Variants in PALS2 observed in about 807,000 individuals in gnomAD.
The protein encoded by PALS2 is protein PALS2.
Under a neutral mutation model 61.6 loss-of-function variants are expected in PALS2, and 27 were observed. That is an observed-to-expected ratio of 0.44 (90% confidence interval 0.32 to 0.60). PALS2 has a LOEUF of 0.60. Ranked by LOEUF, PALS2 falls within the 20% of genes least tolerant of loss-of-function variation. The probability of loss-of-function intolerance (pLI) is 0.05; values close to 1 mark genes in which losing one functional copy is unlikely to be tolerated. For missense variants in PALS2, 554 were observed against 639.4 expected (o/e 0.87, Z 1.44); for synonymous variants, 236 against 218.6 (o/e 1.08, Z -0.70).
chr7:24,691,125 G>A lies in PALS2; in HGVS notation c.*3511G>A, dbSNP rs1788446069. ...CCAGTGACTGGAGTTGATTTTCAAGGTGGATAGCCATAGAGTTAGGTAAAA... is the reference window on the plus strand; with the variant it reads ...CCAGTGACTGGAGTTGATTTTCAAGATGGATAGCCATAGAGTTAGGTAAAA... On this transcript the variant is annotated 3_prime_UTR_variant, in exon 12 of 12. Coordinates refer to ENST00000222644, the MANE Select transcript of PALS2 (RefSeq NM_001303037.2). 6.6e-6 allele frequency: 1 copy of A among 151,936 alleles called. No homozygotes were observed. The highest frequency in any genetic ancestry group is 1.5e-5 in the Non-Finnish European group (1 of 67,950). 9.4% of individuals were successfully genotyped at this position (151,936 alleles called of 1,614,324 possible).
rs1788440048 is a variant in PALS2 at position 24,690,998 on chromosome 7, C to T, written c.*3384C>T. 6.6e-6 allele frequency: 1 copy of T among 152,060 alleles called. No individual in the cohort carries two copies. Among genetic ancestry groups the T allele is most frequent in the Non-Finnish European group, 1.5e-5 (1 of 67,998 alleles). 9.4% of individuals were successfully genotyped at this position (152,060 alleles called of 1,614,324 possible). ...TGACATTATAGATTATGTCCAGATA[C>T]TAACTGCTTTGACCATAATATCCCA... is the stretch of plus-strand genomic sequence containing the variant. On this transcript the variant is annotated 3_prime_UTR_variant, in exon 12 of 12. Transcript: ENST00000222644.
intron 3 of PALS2, among the ~76,000 whole-genome samples, chr7:24,644,463 T>C (rs1248632873): frequency 6.6e-6 from 1 of 152,028 alleles, no homozygotes; most frequent in Admixed American, 6.6e-5. Context: ...CCCAACCTCA[T>C]TGATCTTTTG....
intron 1 of PALS2, among the ~76,000 whole-genome samples, chr7:24,592,558 C>CT (rs1783330003): frequency 6.6e-6 from 1 of 152,048 alleles, no homozygotes; most frequent in South Asian, 2.1e-4. Context: ...GCTCACACTG[C>CT]TTTGGTATTG....
intron 3 of PALS2, among the ~76,000 whole-genome samples, chr7:24,644,029 A>G (rs1322753481): frequency 3.3e-5 from 5 of 151,426 alleles, no homozygotes; most frequent in African/African-American, 4.9e-5. Context: ...TCTGTTCTCT[A>G]TCAACCATGT....
At position 24,641,960 on chromosome 7, in the gene PALS2, A is replaced by T. The variant is rs1469907466; in HGVS notation, c.270+92A>T. ...GTTTAAGGTGATGTTTTCTTCAAAG[A>T]TTATTTAGGGCTATAATAGGTAAGT... is the stretch of plus-strand genomic sequence containing the variant. On this transcript the variant is annotated intron_variant, in intron 3 of 11. Transcript: ENST00000222644. The T allele has an allele frequency of 2.9e-6, 4 of 1,368,952 alleles. No individual in the cohort carries two copies. The East Asian group carries it at 9.2e-5, about 32-fold the overall frequency. 84.8% of individuals were successfully genotyped at this position (1,368,952 alleles called of 1,614,324 possible). A position where few individuals can be genotyped will look rare whatever the true frequency, so the allele number is the denominator to read the frequency against.
At chr7:24,653,393 CA>C (rs34023639) in intron 5 of PALS2, among the ~76,000 whole-genome samples, 69,056 of 148,658 alleles carry the variant, frequency 0.46, 16,567 homozygotes, top group African/African-American at 0.61. Flanking sequence ...AATTTTATTA[CA>C]AAAAAAAAAA....
chr7:24,574,852 GTATA>G, intron 1 of PALS2, among the ~76,000 whole-genome samples: 1 of 152,128 alleles, frequency 6.6e-6, no homozygotes. Context: ...TAGTAATGCG[GTATA>G]TAGTTTCCGT....
chr7:24,668,364 A>G lies in PALS2; in HGVS notation c.953-135A>G, dbSNP rs201892343. ...GTACTTTACCAAATTTGTAAAAACA[A>G]ATCTATGCTAAGTGGGTACAAGTCA... On this transcript the variant is annotated intron_variant, in intron 8 of 11. Transcript: ENST00000222644. 51 of 763,266 alleles carry G rather than the reference A, an allele frequency of 6.7e-5. No homozygotes were observed. In the East Asian group the frequency reaches 1.3e-3, roughly 20 times the overall value. The allele number at this position is 763,266 out of a possible 1,614,324, so 47.3% of individuals were successfully genotyped here.
chr7:24,576,049 C>A (rs1323212719), intron 1 of PALS2, among the ~76,000 whole-genome samples: 1 of 151,960 alleles, frequency 6.6e-6, no homozygotes, highest in Non-Finnish European at 1.5e-5. Context: ...GAAGAATGAA[C>A]ACTTACCCAT....
intron 2 of PALS2, among the ~76,000 whole-genome samples, chr7:24,635,485 T>A (rs779703631): frequency 5.9e-5 from 9 of 152,210 alleles, no homozygotes; most frequent in African/African-American, 1.7e-4. Flanking sequence ...TACAAGGTCA[T>A]GTCATCTGAA....
chr7:24,619,510 G>A (rs1784412486), intron 1 of PALS2, among the ~76,000 whole-genome samples: 1 of 152,054 alleles, frequency 6.6e-6, no homozygotes, highest in Non-Finnish European at 1.5e-5. Flanking sequence ...GAGGTCAGGG[G>A]ATGGAGACCA....
chr7:24,641,097 A>G (rs1785528737), intron 2 of PALS2, among the ~76,000 whole-genome samples: 1 of 151,420 alleles, frequency 6.6e-6, no homozygotes, highest in African/African-American at 2.4e-5. Flanking sequence ...TGTGAGATTA[A>G]GAAAAAAACA....
At chr7:24,622,683 C>CTTTTTTTTTTTTTTTTTTTTTTTTT (rs70942815) in intron 1 of PALS2, among the ~76,000 whole-genome samples, 1 of 135,698 alleles carries the variant, frequency 7.4e-6, no homozygotes. Context: ...TTTCTTTTTT[C>CTTTTTTTTTTTTTTTTTTTTTTTTT]TTTTTTTTTT....
intron 1 of PALS2, among the ~76,000 whole-genome samples, chr7:24,622,799 G>A (rs1048405495): frequency 1.3e-5 from 2 of 150,886 alleles, no homozygotes; most frequent in African/African-American, 4.9e-5. Context: ...GCACCATTAA[G>A]TATGATATTA....
intron 1 of PALS2, among the ~76,000 whole-genome samples, chr7:24,601,374 G>C (rs1783714899): frequency 6.6e-6 from 1 of 152,070 alleles, no homozygotes; most frequent in South Asian, 2.1e-4. Flanking sequence ...CCCGAAATCT[G>C]TGCTTGTTTT....
rs1783324864 is a variant in PALS2, at chr7:24,592,454, T to C, written c.-3+18861T>C. Among the ~76,000 whole-genome samples the C allele has an allele frequency of 4.6e-5, 7 of 152,142 alleles. No homozygotes were observed. In the South Asian group the frequency reaches 1.0e-3, roughly 23 times the overall value. ...ACAGAGGAGGATGTGAAGGCCCTTA[T>C]GCTGTATTAAGGAATTTTGATTCTG... On this transcript the variant is annotated intron_variant, in intron 1 of 11. Transcript: ENST00000222644.
intron 1 of PALS2, among the ~76,000 whole-genome samples, chr7:24,617,863 A>C (rs1015983262): frequency 1.9e-4 from 29 of 152,118 alleles, no homozygotes; most frequent in African/African-American, 7.0e-4. Context: ...TTGGAGACAC[A>C]ATGCCTGGGT....
chr7:24,614,840 G>A (rs1452373619), intron 1 of PALS2, among the ~76,000 whole-genome samples: 2 of 151,874 alleles, frequency 1.3e-5, no homozygotes, highest in Admixed American at 6.6e-5. Flanking sequence ...AACATACAAT[G>A]TCAAAGGAAA....
chr7:24,651,671 T>G (rs1786157541), intron 5 of PALS2, among the ~76,000 whole-genome samples: 1 of 151,324 alleles, frequency 6.6e-6, no homozygotes, highest in African/African-American at 2.4e-5. Flanking sequence ...AAAGAGAGGG[T>G]TTTCAAGCCT....
Sources: allele counts gnomAD v4.1 joint callset (sites outside exome capture counted in the v4.1 genomes callset), GRCh38; gene constraint gnomAD v4.1.1; transcripts MANE v1.5; gene names NCBI Gene and HGNC (gene_info 2026-07-23, HGNC 2026-07-21).